The following PCDH11X variants were observed in gnomAD, a reference collection of about 807,000 sequenced individuals.
The protein encoded by PCDH11X is protocadherin 11 X-linked.
A neutral mutation model predicts 53.3 loss-of-function variants in PCDH11X; 18 were observed. The observed-to-expected ratio is 0.34, with a 90% confidence interval of 0.23 to 0.50. PCDH11X has a LOEUF of 0.50. Ranked by LOEUF, PCDH11X falls within the 20% of genes least tolerant of loss-of-function variation. The pLI is 0.98. For missense variants in PCDH11X, 570 were observed against 1,032.4 expected (o/e 0.55, Z 6.14); for synonymous variants, 279 against 393.3 (o/e 0.71, Z 3.44).
At chrX:91,925,091 A>T (rs1424848576) in intron 6 of PCDH11X, among the ~76,000 whole-genome samples, 1 of 109,936 alleles carries the variant, frequency 9.1e-6, no homozygotes, top group East Asian at 2.9e-4. Context: ...TCCTCAACTT[A>T]CAGTGGGGTT....
intron 7 of PCDH11X, among the ~76,000 whole-genome samples, chrX:92,215,380 A>AG (rs769398450): frequency 9.4e-6 from 1 of 106,928 alleles, no homozygotes; most frequent in South Asian, 4.3e-4. Flanking sequence ...AGCTTAAAAA[A>AG]CAGCACACCA....
At chrX:92,216,302 G>T (rs2066710325) in intron 7 of PCDH11X, among the ~76,000 whole-genome samples, 1 of 109,555 alleles carries the variant, frequency 9.1e-6, no homozygotes, top group African/African-American at 3.3e-5. Context: ...TGAAAACTTT[G>T]AAAAAAATTT....
intron 6 of PCDH11X, among the ~76,000 whole-genome samples, chrX:92,194,669 G>GT (rs200483803): frequency 0.2 from 19,469 of 98,520 alleles, 1,647 homozygotes; most frequent in East Asian, 0.42. Context: ...TAAATATTAT[G>GT]TTTTTTTTTT....
chrX:92,539,144 C>T (rs1306922867), intron 10 of PCDH11X, among the ~76,000 whole-genome samples: 2 of 109,733 alleles, frequency 1.8e-5, no homozygotes, highest in African/African-American at 3.3e-5. Flanking sequence ...ATTTATTTCT[C>T]TAGATTTGGG....
intron 1 of PCDH11X, among the ~76,000 whole-genome samples, chrX:91,789,439 C>A (rs1212724614): frequency 2.4e-5 from 2 of 84,280 alleles, no homozygotes; most frequent in Non-Finnish European, 4.6e-5. Flanking sequence ...CTTTTTAGAT[C>A]GGGAAAGAAT....
chrX:92,016,049 T>G, intron 6 of PCDH11X, among the ~76,000 whole-genome samples: 1 of 112,640 alleles, frequency 8.9e-6, no homozygotes, highest in Non-Finnish European at 1.9e-5. Context: ...AATTTCCTTT[T>G]ATATCTTTTT....
intron 6 of PCDH11X, among the ~76,000 whole-genome samples, chrX:92,061,280 T>C (rs2063521078): frequency 8.9e-6 from 1 of 111,866 alleles, no homozygotes; most frequent in African/African-American, 3.3e-5. Context: ...TACTGTAGGT[T>C]GTCTGTTTAC....
Position 92,618,371 on chromosome X carries a change from G to T in PCDH11X, c.3475G>T (p.Asp1159Tyr), listed in dbSNP as rs758235623. ...SDACWMPASL[D>Y]HSSSSQAQAS... is the part of the protein sequence containing the mutation. ...TGCCTGCTGGATGCCGGCATCTCTG[G>T]ATCATTCCAGCTCTTCGCAAGCACA... The change falls in exon 11 of 11, where the codon GAT (aspartate) becomes TAT (tyrosine). Residue 1159 changes from aspartate to tyrosine, a missense_variant. Asp to Tyr is a radical substitution (Grantham distance 160, BLOSUM62 -3). This residue lies in a region of PCDH11X where 234 missense variants were observed against 296.1 expected (regional missense o/e 0.79). Coordinates refer to ENST00000682573, the MANE Select transcript of PCDH11X (RefSeq NM_032968.5). The T allele has an allele frequency of 7.4e-6, 9 of 1,209,925 alleles. No homozygotes were observed. In the Admixed American group the frequency reaches 1.3e-4, roughly 18 times the overall value.
At chrX:92,271,959 T>C (rs1165482947) in intron 8 of PCDH11X, among the ~76,000 whole-genome samples, 2 of 112,322 alleles carry the variant, frequency 1.8e-5, no homozygotes, top group Non-Finnish European at 3.8e-5. Flanking sequence ...AGAAATGGTA[T>C]CAGGAGATCA....
chrX:92,598,050 C>G (rs1925822866), intron 10 of PCDH11X, among the ~76,000 whole-genome samples: 1 of 111,705 alleles, frequency 9.0e-6, no homozygotes, highest in African/African-American at 3.3e-5. Context: ...AGACTTAAAT[C>G]TAAGACCTCA....
Position 92,618,453 on chromosome X carries a change from G to A in PCDH11X, c.3557G>A (p.Ser1186Asn), listed in dbSNP as rs755014126. ...TCACAGGCCTCTACTCAGCACCACA[G>A]CCCACGAGTGACACAGACCATTGCT... The part of the protein sequence containing the change: ...PLSQASTQHH[S>N]PRVTQTIALC... The change falls in exon 11 of 11, where the codon AGC (serine) becomes AAC (asparagine). Residue 1186 changes from serine to asparagine, a missense_variant. By Grantham distance (46) the Ser-to-Asn change is conservative. Around this residue, in one of 6 missense-constraint regions of PCDH11X, gnomAD observed 234 missense variants for 296.1 expected, o/e 0.79. Transcript: ENST00000682573. The A allele has an allele frequency of 2.5e-6, 3 of 1,211,365 alleles. No homozygotes were observed. The South Asian group carries it at 5.3e-5, about 21-fold the overall frequency.
At chrX:92,021,940 A>T (rs1255300568) in intron 6 of PCDH11X, among the ~76,000 whole-genome samples, 1 of 108,696 alleles carries the variant, frequency 9.2e-6, no homozygotes, top group Non-Finnish European at 1.9e-5. Flanking sequence ...GGCAAAGGAG[A>T]AATAAAATCT....
Position 92,106,247 on chromosome X carries a change from C to G in PCDH11X, c.3034-95128C>G, listed in dbSNP as rs189102821. Among the ~76,000 whole-genome samples, 4 of 98,688 alleles carry G rather than the reference C, an allele frequency of 4.1e-5. No homozygotes were observed. In the East Asian group the frequency reaches 1.4e-3, roughly 33 times the overall value. 85.7% of individuals were successfully genotyped at this position (98,688 alleles called of 115,157 possible). A position where few individuals can be genotyped will look rare whatever the true frequency, so the allele number is the denominator to read the frequency against. Reference sequence around the variant, plus strand: ...TTGATGTTAACTTAGAGAGAATCATCAGCTTTATGATGCTGAATCCTTCTA... The same window carrying G: ...TTGATGTTAACTTAGAGAGAATCATGAGCTTTATGATGCTGAATCCTTCTA... On this transcript the variant is annotated intron_variant, in intron 6 of 10. Coordinates refer to ENST00000682573, the MANE Select transcript of PCDH11X (RefSeq NM_032968.5).
intron 10 of PCDH11X, among the ~76,000 whole-genome samples, chrX:92,499,453 A>G (rs756133341): frequency 8.3e-4 from 73 of 87,920 alleles, no homozygotes; most frequent in African/African-American, 2.7e-3. Flanking sequence ...TGAAAAAAAA[A>G]AACAAAAAAA....
intron 8 of PCDH11X, among the ~76,000 whole-genome samples, chrX:92,274,427 G>C (rs955678734): frequency 9.0e-6 from 1 of 111,122 alleles, no homozygotes; most frequent in Non-Finnish European, 1.9e-5. Flanking sequence ...AGGTGGGAAG[G>C]CTAAACGGAG....
chrX:91,991,658 C>T, intron 6 of PCDH11X, among the ~76,000 whole-genome samples: 1 of 99,022 alleles, frequency 1.0e-5, no homozygotes, highest in East Asian at 3.2e-4. Context: ...TTGGTGTGTT[C>T]TTTCAATATG....
chrX:91,887,197 A>G (rs1362892967), intron 6 of PCDH11X, among the ~76,000 whole-genome samples: 7 of 110,065 alleles, frequency 6.4e-5, no homozygotes, highest in African/African-American at 2.3e-4. Flanking sequence ...GTGTAACAGA[A>G]GCACTACAGG....
intron 8 of PCDH11X, among the ~76,000 whole-genome samples, chrX:92,300,750 T>C (rs970457055): frequency 3.6e-5 from 4 of 112,274 alleles, no homozygotes; most frequent in Non-Finnish European, 7.5e-5. Flanking sequence ...GTGCTGGGAA[T>C]ACAGGCATGA....
intron 1 of PCDH11X, among the ~76,000 whole-genome samples, chrX:91,787,211 A>AT (rs1172488317): frequency 1.2e-4 from 13 of 107,882 alleles, no homozygotes; most frequent in Non-Finnish European, 2.1e-4. Context: ...TCCTACTGTC[A>AT]TTTTTTTAGA....
Sources: allele counts gnomAD v4.1 joint callset (sites outside exome capture counted in the v4.1 genomes callset), GRCh38; gene constraint gnomAD v4.1.1; regional missense constraint gnomAD v4.1.1; transcripts MANE v1.5; gene names NCBI Gene and HGNC (gene_info 2026-07-23, HGNC 2026-07-21).